The following CHMP3 variants were observed in gnomAD, a reference collection of about 807,000 sequenced individuals.
CHMP3 encodes 25.1 protein.
In CHMP3, 8 loss-of-function variants were observed where a neutral mutation model predicts 27.4. The ratio of observed to expected loss-of-function variants is 0.29; its 90% confidence interval spans 0.17 to 0.53. CHMP3 has a LOEUF of 0.53. Among genes scored for constraint, CHMP3 ranks in the 20% least tolerant of loss-of-function variants. CHMP3 has a pLI of 0.96. For synonymous variants in CHMP3, 86 were observed against 85.5 expected (o/e 1.01, Z -0.03); for missense variants, 208 against 271.5 (o/e 0.77, Z 1.64).
chr2:86,534,687 GTATT>G (rs1205042004), intron 2 of CHMP3, among the ~76,000 whole-genome samples: 2 of 152,100 alleles, frequency 1.3e-5, no homozygotes, highest in Non-Finnish European at 2.9e-5. Flanking sequence ...TCTTCTTGCT[GTATT>G]TAATCTTTAA....
intron 2 of CHMP3, among the ~76,000 whole-genome samples, chr2:86,535,998 T>TTTC (rs1432116687): frequency 1.4e-5 from 2 of 141,060 alleles, no homozygotes; most frequent in African/African-American, 2.6e-5. Context: ...ACCTTTCTTT[T>TTTC]TTTTTTTTTT....
At chr2:86,559,554 C>A (rs1677265332) in intron 1 of CHMP3, among the ~76,000 whole-genome samples, 1 of 152,202 alleles carries the variant, frequency 6.6e-6, no homozygotes, top group South Asian at 2.1e-4. Context: ...GCTAAGTAAC[C>A]ACAGCTGGTG....
intron 1 of CHMP3, among the ~76,000 whole-genome samples, chr2:86,559,715 A>G (rs1677270617): frequency 6.6e-6 from 1 of 152,236 alleles, no homozygotes; most frequent in African/African-American, 2.4e-5. Context: ...AGGAACTTGA[A>G]GAAAACCTTG....
chr2:86,548,681 T>C (rs34112739), intron 1 of CHMP3, among the ~76,000 whole-genome samples: 2 of 152,238 alleles, frequency 1.3e-5, no homozygotes, highest in Admixed American at 6.5e-5. Flanking sequence ...CATCATGGCC[T>C]GTTCTCGATG....
At chr2:86,561,123 GTTCTTTGGCTTC>G (rs1677342357) in intron 1 of CHMP3, among the ~76,000 whole-genome samples, 1 of 152,182 alleles carries the variant, frequency 6.6e-6, no homozygotes, top group African/African-American at 2.4e-5. Flanking sequence ...TAGAAGTTAA[GTTCTTTGGCTTC>G]TTATTTCACC....
At chr2:86,519,314 G>A (rs1236328661) in intron 3 of CHMP3, among the ~76,000 whole-genome samples, 2 of 149,348 alleles carry the variant, frequency 1.3e-5, no homozygotes, top group African/African-American at 4.9e-5. Flanking sequence ...GCAGTGAGCC[G>A]AGATTGTGCC....
At chr2:86,506,042 G>A (rs1247967533) in intron 5 of CHMP3, 93 bp from the exon 6 acceptor site, 20 of 1,359,788 alleles carry the variant, frequency 1.5e-5, no homozygotes, top group Non-Finnish European at 1.8e-5. Context: ...AATCTGACCA[G>A]ATACAAAAAT....
At chr2:86,553,931 G>A (rs1390361024) in intron 1 of CHMP3, among the ~76,000 whole-genome samples, 5 of 152,152 alleles carry the variant, frequency 3.3e-5, no homozygotes, top group Non-Finnish European at 7.3e-5. Flanking sequence ...TTCACTGTAC[G>A]ATCTGCTGTG....
intron 3 of CHMP3, among the ~76,000 whole-genome samples, chr2:86,514,819 A>C (rs1675234523): frequency 6.6e-6 from 1 of 152,232 alleles, no homozygotes; most frequent in African/African-American, 2.4e-5. Flanking sequence ...ATGTTAATTA[A>C]AATGCCAAAT....
chr2:86,514,223 G>A (rs1455354178), intron 3 of CHMP3, among the ~76,000 whole-genome samples: 1 of 152,192 alleles, frequency 6.6e-6, no homozygotes, highest in Non-Finnish European at 1.5e-5. Flanking sequence ...GGCAATGAGA[G>A]GTGAAAGAGG....
chr2:86,510,269 T>TGCCCC, intron 4 of CHMP3, 89 bp downstream of exon 4: 1 of 1,369,630 alleles, frequency 7.3e-7, no homozygotes, highest in Non-Finnish European at 1.0e-6. Context: ...AGTCTGTTCA[T>TGCCCC]CCCCACCCAC....
intron 1 of CHMP3, among the ~76,000 whole-genome samples, chr2:86,550,494 A>G (rs1676865095): frequency 6.6e-6 from 1 of 152,024 alleles, no homozygotes; most frequent in African/African-American, 2.4e-5. Flanking sequence ...AAAGGCAATA[A>G]CCACTAAAAG....
intron 1 of CHMP3, among the ~76,000 whole-genome samples, chr2:86,557,012 T>C (rs1677154637): frequency 6.6e-6 from 1 of 152,176 alleles, no homozygotes; most frequent in African/African-American, 2.4e-5. Context: ...AACAGAAACA[T>C]AATCCTTGCT....
intron 3 of CHMP3, among the ~76,000 whole-genome samples, chr2:86,523,899 A>C (rs1675608246): frequency 6.6e-6 from 1 of 152,202 alleles, no homozygotes; most frequent in South Asian, 2.1e-4. Context: ...TTTCTTGAAA[A>C]TTAAGGTTAA....
In CHMP3 at chr2:86,554,847, A is replaced by G. The variant is rs74582432; in HGVS notation, c.45+8457T>C. 6.4e-5 allele frequency among the ~76,000 whole-genome samples: 4 copies of G among 62,034 alleles called. No individual in the cohort carries two copies. In the East Asian group the frequency reaches 4.0e-3, roughly 62 times the overall value. The allele number at this position is 62,034 out of a possible 152,430, so 40.7% of individuals were successfully genotyped here. A position where few individuals can be genotyped will look rare whatever the true frequency, so the allele number is the denominator to read the frequency against. Reference sequence around the variant, plus strand: ...TGTGTGTGTGTGTGTGTGTGTGTGTAGATTTTTTTTTTTTTTTTGAGATGG... The same window carrying G: ...TGTGTGTGTGTGTGTGTGTGTGTGTGGATTTTTTTTTTTTTTTTGAGATGG... On this transcript the variant is annotated intron_variant, in intron 1 of 5. Transcript: ENST00000263856.
intron 3 of CHMP3, among the ~76,000 whole-genome samples, chr2:86,518,596 T>C (rs962353759): frequency 1.3e-5 from 2 of 152,184 alleles, no homozygotes; most frequent in African/African-American, 4.8e-5. Context: ...AACCACACTA[T>C]TGACAGTCCG....
In CHMP3 at chr2:86,511,976, A is replaced by T. The variant is rs1488737538; in HGVS notation, c.287-1497T>A. On this transcript the variant is annotated intron_variant, in intron 3 of 5. Transcript: ENST00000263856. ...GGGAAGAGTCAATGTTGTAGGAAAAAGGGGACACAAAAATAAACTTAGAAA... is the reference window on the plus strand; with the variant it reads ...GGGAAGAGTCAATGTTGTAGGAAAATGGGGACACAAAAATAAACTTAGAAA... 2.0e-5 allele frequency: 3 copies of T among 152,320 alleles called. No homozygotes were observed. In the East Asian group the frequency reaches 5.8e-4, roughly 29 times the overall value. 9.4% of individuals were successfully genotyped at this position (152,320 alleles called of 1,614,324 possible).
intron 1 of CHMP3, among the ~76,000 whole-genome samples, chr2:86,547,344 T>A (rs1676651803): frequency 6.6e-6 from 1 of 152,266 alleles, no homozygotes; most frequent in South Asian, 2.1e-4. Context: ...AAACTTTCTA[T>A]GTATGTTTTT....
At chr2:86,556,689 T>A (rs1032235958) in intron 1 of CHMP3, among the ~76,000 whole-genome samples, 2 of 152,204 alleles carry the variant, frequency 1.3e-5, no homozygotes, top group Non-Finnish European at 2.9e-5. Flanking sequence ...CCATGTTAAT[T>A]ACCCACAAGT....
Sources: allele counts gnomAD v4.1 joint callset (sites outside exome capture counted in the v4.1 genomes callset), GRCh38; gene constraint gnomAD v4.1.1; transcripts MANE v1.5; gene names NCBI Gene and HGNC (gene_info 2026-07-23, HGNC 2026-07-21).